ADARB1: variants seen among roughly 807,000 people sequenced by gnomAD.
ADARB1 encodes the protein double-stranded RNA-specific editase 1.
ADARB1 carries 10 observed loss-of-function variants against 52.4 expected under a neutral mutation model. The ratio of observed to expected loss-of-function variants is 0.19; its 90% confidence interval spans 0.12 to 0.32. ADARB1 has a LOEUF of 0.32. Ranked by LOEUF, ADARB1 falls within the 10% of genes least tolerant of loss-of-function variation. The probability of loss-of-function intolerance (pLI) is 1.00; values close to 1 mark genes in which losing one functional copy is unlikely to be tolerated. For missense variants in ADARB1, 643 were observed against 922.3 expected (o/e 0.70, Z 3.92); for synonymous variants, 349 against 371.1 (o/e 0.94, Z 0.68).
In ADARB1 at chr21:45,224,043, A is replaced by G; in HGVS notation, c.*1846A>G. The G allele has an allele frequency of 1.0e-6, 1 of 985,476 alleles. No homozygotes were observed. Among genetic ancestry groups the G allele is most frequent in the Non-Finnish European group, 1.2e-6 (1 of 829,978 alleles). 61.0% of individuals were successfully genotyped at this position (985,476 alleles called of 1,614,324 possible). A position where few individuals can be genotyped will look rare whatever the true frequency, so the allele number is the denominator to read the frequency against. ...CGCGCTGGGGTTCTGCACCTGCAGA[A>G]GGAGAGGGGTCTGTTGTCGCTGGCT... On this transcript the variant is annotated 3_prime_UTR_variant, in exon 11 of 11. Transcript: ENST00000348831.
At chr21:45,159,592 C>T (rs917343186) in intron 2 of ADARB1, among the ~76,000 whole-genome samples, 2 of 152,168 alleles carry the variant, frequency 1.3e-5, no homozygotes, top group African/African-American at 4.8e-5. Flanking sequence ...TTACTTCTGC[C>T]TTGGAGGATG....
intron 1 of ADARB1, among the ~76,000 whole-genome samples, chr21:45,079,672 G>GT (rs1247572304): frequency 1.3e-5 from 2 of 152,218 alleles, no homozygotes; most frequent in Admixed American, 1.3e-4. Context: ...ACTTGTCAGG[G>GT]TTGTTGAGTT....
intron 1 of ADARB1, among the ~76,000 whole-genome samples, chr21:45,113,872 C>G (rs2087685912): frequency 6.6e-6 from 1 of 152,158 alleles, no homozygotes. Flanking sequence ...CTGGAAGTCA[C>G]AAGTAGCTTT....
intron 1 of ADARB1, among the ~76,000 whole-genome samples, chr21:45,113,232 G>A (rs1324667765): frequency 2.0e-5 from 3 of 152,062 alleles, no homozygotes; most frequent in African/African-American, 7.2e-5. Flanking sequence ...AGACCAGCCT[G>A]GCCAACATGG....
At chr21:45,162,913 T>G (rs1428446639) in intron 2 of ADARB1, among the ~76,000 whole-genome samples, 1 of 152,178 alleles carries the variant, frequency 6.6e-6, no homozygotes, top group Admixed American at 6.5e-5. Context: ...GATGTGAATC[T>G]TAACTCACAG....
intron 2 of ADARB1, among the ~76,000 whole-genome samples, chr21:45,137,601 T>A (rs1207735154): frequency 6.6e-6 from 1 of 152,226 alleles, no homozygotes; most frequent in Non-Finnish European, 1.5e-5. Flanking sequence ...TGTGAGGATG[T>A]CTGCGTTCAG....
rs539458526 is a variant in ADARB1, at chr21:45,138,823, G to A, written c.-48+10250G>A. ...GCTCGTGGCCTGTGGGCCCTGGGCG[G>A]CCTCTCAGTTTCCTGCATGGAAGGC... On this transcript the variant is annotated intron_variant, in intron 2 of 10. Coordinates refer to ENST00000348831, the MANE Select transcript of ADARB1 (RefSeq NM_001112.4). Among the ~76,000 whole-genome samples the A allele has an allele frequency of 2.6e-5, 4 of 152,114 alleles. No homozygotes were observed. The South Asian group carries it at 8.3e-4, about 32-fold the overall frequency.
At chr21:45,216,160 T>C (rs2092858140) in intron 9 of ADARB1, among the ~76,000 whole-genome samples, 1 of 152,176 alleles carries the variant, frequency 6.6e-6, no homozygotes, top group Non-Finnish European at 1.5e-5. Flanking sequence ...TCTAATGATA[T>C]CGTCTTATCC....
At position 45,176,010 on chromosome 21, in the gene ADARB1, C is replaced by A. The variant is rs115658841; in HGVS notation, c.309C>A (p.Pro103=). 6.2e-7 allele frequency: 1 copy of A among 1,614,160 alleles called. No individual in the cohort carries two copies. Among genetic ancestry groups the A allele is most frequent in the Admixed American group, 1.7e-5 (1 of 60,028 alleles). The change falls in exon 4 of 11, where the codon CCC becomes CCA. Residue 103 remains proline, a synonymous_variant. Coordinates refer to ENST00000348831, the MANE Select transcript of ADARB1 (RefSeq NM_001112.4). This position sits in a 1 kb window ranked among gnomAD's most constrained non-coding sequence, Gnocchi z 5.8. The stretch of plus-strand genomic sequence containing the variant: ...ACACACTCCTGTCCCAGACTGGGCC[C>A]GTGCACGCGCCTTTGTTTGTCATGT... The part of the protein sequence containing the change: ...LQYTLLSQTG[P]VHAPLFVMSV...
chr21:45,145,114 G>A (rs899906292), intron 2 of ADARB1: 6 of 152,614 alleles, frequency 3.9e-5, no homozygotes, highest in African/African-American at 1.4e-4. Flanking sequence ...ACTTGGTATT[G>A]TTAAACCAAG....
intron 9 of ADARB1, among the ~76,000 whole-genome samples, chr21:45,219,761 C>T (rs1260154353): frequency 6.6e-6 from 1 of 152,148 alleles, no homozygotes; most frequent in Non-Finnish European, 1.5e-5. Context: ...AATAAATAGG[C>T]GCTTTGTCAT....
chr21:45,144,684 G>A (rs2089918988), intron 2 of ADARB1: 1 of 451,166 alleles, frequency 2.2e-6, no homozygotes, highest in Non-Finnish European at 4.5e-6. Flanking sequence ...ACGTTGTGAG[G>A]GCATTGCTTC....
At chr21:45,203,816 C>G (rs529384470) in intron 8 of ADARB1, among the ~76,000 whole-genome samples, 1 of 152,170 alleles carries the variant, frequency 6.6e-6, no homozygotes, top group Non-Finnish European at 1.5e-5. Flanking sequence ...TAGTGGTCCC[C>G]GCTTCTCCGT....
intron 4 of ADARB1, chr21:45,177,370 A>C (rs2091743687): frequency 1.3e-5 from 2 of 152,240 alleles, no homozygotes; most frequent in African/African-American, 4.8e-5. Context: ...CCCAGGCTGG[A>C]GGTGGACAGC....
intron 9 of ADARB1, among the ~76,000 whole-genome samples, chr21:45,212,466 A>G (rs1049259210): frequency 6.6e-6 from 1 of 152,172 alleles, no homozygotes; most frequent in African/African-American, 2.4e-5. Context: ...GCCACAGGAG[A>G]AACCTGAGCG....
At chr21:45,168,591 A>G (rs1466626791) in intron 2 of ADARB1, among the ~76,000 whole-genome samples, 1 of 152,172 alleles carries the variant, frequency 6.6e-6, no homozygotes, top group African/African-American at 2.4e-5. Flanking sequence ...CCTTTGTCCA[A>G]AATCAGTTGG....
intron 8 of ADARB1, among the ~76,000 whole-genome samples, chr21:45,185,591 A>G (rs1358161371): frequency 6.6e-6 from 1 of 152,204 alleles, no homozygotes; most frequent in Non-Finnish European, 1.5e-5. Flanking sequence ...GGTTAGGCTT[A>G]GAGGAGGGCT....
intron 1 of ADARB1, among the ~76,000 whole-genome samples, chr21:45,106,503 G>A (rs1461949824): frequency 6.6e-6 from 1 of 152,176 alleles, no homozygotes; most frequent in Non-Finnish European, 1.5e-5. Context: ...GGAAACCCAC[G>A]AGAACTCTGG....
chr21:45,101,657 G>A (rs1054285757), intron 1 of ADARB1, among the ~76,000 whole-genome samples: 3 of 152,164 alleles, frequency 2.0e-5, no homozygotes, highest in Admixed American at 1.3e-4. Flanking sequence ...CTTCACCATC[G>A]TAGAGCTTTA....
Sources: gnomAD v4.1 joint callset for allele counts (sites outside exome capture counted in the v4.1 genomes callset) on GRCh38, gnomAD v4.1.1 for gene constraint, Gnocchi (gnomAD v3.1) non-coding constraint, MANE v1.5 for transcripts, NCBI Gene and HGNC (gene_info 2026-07-23, HGNC 2026-07-21) for gene names.